The following GABRG3 variants were observed in gnomAD, a reference collection of about 807,000 sequenced individuals.
GABRG3 encodes gamma-aminobutyric acid type A receptor subunit gamma3.
In GABRG3, 25 loss-of-function variants were observed where a neutral mutation model predicts 48.8. The observed-to-expected ratio is 0.51, with a 90% CI of 0.37 to 0.72. The LOEUF (loss-of-function observed/expected upper bound fraction) is 0.72. GABRG3 is among the 30% of genes least tolerant of loss of function. The pLI is 0.00. For synonymous variants in GABRG3, 227 were observed against 217.6 expected, an observed-to-expected ratio of 1.04 and a Z score of -0.38; for missense variants, 394 against 577.9, an observed-to-expected ratio of 0.68 and a Z score of 3.26.
intron 6 of GABRG3, among the ~76,000 whole-genome samples, chr15:27,489,122 T>C (rs560680237): frequency 6.6e-6 from 1 of 151,270 alleles, no homozygotes; most frequent in Non-Finnish European, 1.5e-5. Context: ...AGTGAGAACA[T>C]GCAGTGTTTG....
At chr15:27,094,343 T>C (rs2140759042) in intron 3 of GABRG3, among the ~76,000 whole-genome samples, 1 of 152,356 alleles carries the variant, frequency 6.6e-6, no homozygotes, top group East Asian at 1.9e-4. Context: ...AGATGAGGAC[T>C]ATCAGGCTCT....
intron 6 of GABRG3, among the ~76,000 whole-genome samples, chr15:27,507,213 G>A (rs931147137): frequency 1.3e-5 from 2 of 152,114 alleles, no homozygotes; most frequent in African/African-American, 2.4e-5. Context: ...TTTTAAATAT[G>A]TTAAGTTTTG....
intron 3 of GABRG3, among the ~76,000 whole-genome samples, chr15:27,237,731 C>T (rs1055439495): frequency 6.6e-6 from 1 of 152,242 alleles, no homozygotes; most frequent in African/African-American, 2.4e-5. Context: ...GCACCCACAA[C>T]ATAAAGCTTT....
chr15:27,164,374 A>G (rs920790294), intron 3 of GABRG3, among the ~76,000 whole-genome samples: 1 of 152,248 alleles, frequency 6.6e-6, no homozygotes, highest in Non-Finnish European at 1.5e-5. Flanking sequence ...GTCATTTAGT[A>G]TCAAATCTAC....
intron 3 of GABRG3, among the ~76,000 whole-genome samples, chr15:27,310,306 G>T (rs1201256598): frequency 1.3e-5 from 2 of 151,980 alleles, no homozygotes; most frequent in African/African-American, 2.4e-5. Context: ...TTTATGGAAG[G>T]TCATGCATGA....
At chr15:27,528,046 A>G (rs1177624713) in intron 9 of GABRG3, 54 bp downstream of exon 9, 2 of 1,301,902 alleles carry the variant, frequency 1.5e-6, no homozygotes, top group African/African-American at 2.9e-5. Flanking sequence ...CTAAACTAAG[A>G]TTGCATTTGA....
intron 3 of GABRG3, among the ~76,000 whole-genome samples, chr15:27,201,968 A>G (rs1214851695): frequency 2.0e-5 from 3 of 152,198 alleles, no homozygotes; most frequent in African/African-American, 7.2e-5. Flanking sequence ...TGGTAAGTTT[A>G]ATTCATTAAA....
intron 2 of GABRG3, among the ~76,000 whole-genome samples, chr15:27,000,345 G>C (rs1204304848): frequency 6.6e-6 from 1 of 152,144 alleles, no homozygotes; most frequent in African/African-American, 2.4e-5. Flanking sequence ...AGGTTTGTTA[G>C]ACAGATCTGG....
At chr15:27,504,601 A>C (rs1371872019) in intron 6 of GABRG3, among the ~76,000 whole-genome samples, 1 of 152,196 alleles carries the variant, frequency 6.6e-6, no homozygotes, top group African/African-American at 2.4e-5. Context: ...AAAGAGATTT[A>C]AATAGGATGA....
At chr15:27,284,422 T>A (rs1447522480) in intron 3 of GABRG3, among the ~76,000 whole-genome samples, 4 of 152,166 alleles carry the variant, frequency 2.6e-5, no homozygotes, top group Non-Finnish European at 5.9e-5. Flanking sequence ...CAGGATTTGA[T>A]AGATAAGAAA....
chr15:27,489,927 T>G (rs1890308976), intron 6 of GABRG3, among the ~76,000 whole-genome samples: 3 of 152,240 alleles, frequency 2.0e-5, no homozygotes, highest in Admixed American at 2.0e-4. Flanking sequence ...TTTGGTGTTT[T>G]AGTCATGAAG....
chr15:27,308,843 A>T (rs975970844), intron 3 of GABRG3, among the ~76,000 whole-genome samples: 3 of 150,036 alleles, frequency 2.0e-5, no homozygotes, highest in African/African-American at 7.2e-5. Context: ...TTATATAAAA[A>T]CACAGAATGT....
chr15:27,275,938 T>C (rs545236358), intron 3 of GABRG3, among the ~76,000 whole-genome samples: 3 of 152,186 alleles, frequency 2.0e-5, no homozygotes, highest in African/African-American at 4.8e-5. Context: ...AGAGATCCTG[T>C]TGGGCAATAA....
chr15:27,097,458 T>C (rs900928936), intron 3 of GABRG3, among the ~76,000 whole-genome samples: 2 of 152,090 alleles, frequency 1.3e-5, no homozygotes, highest in Admixed American at 1.3e-4. Context: ...TTTTACCTTC[T>C]CTCCTTCCCT....
chr15:27,084,008 G>T (rs959061031), intron 3 of GABRG3, among the ~76,000 whole-genome samples: 9 of 152,176 alleles, frequency 5.9e-5, no homozygotes, highest in African/African-American at 1.9e-4. Flanking sequence ...AGCCTGGTTT[G>T]GTGTCTGGGC....
intron 6 of GABRG3, among the ~76,000 whole-genome samples, chr15:27,513,173 C>T (rs1019715492): frequency 2.0e-5 from 3 of 151,960 alleles, no homozygotes; most frequent in Non-Finnish European, 2.9e-5. Context: ...CACGGACAGG[C>T]GCAGTAGCTC....
At chr15:27,052,861 A>G (rs1036213193) in intron 3 of GABRG3, among the ~76,000 whole-genome samples, 1 of 152,208 alleles carries the variant, frequency 6.6e-6, no homozygotes, top group Non-Finnish European at 1.5e-5. Flanking sequence ...ATAAAGCAAC[A>G]CACATGCAAC....
Position 27,458,747 on chromosome 15 carries a change from C to G in GABRG3, c.575-21903C>G, listed in dbSNP as rs145131148. On this transcript the variant is annotated intron_variant, in intron 5 of 9. Transcript: ENST00000615808. ...CAGGCTTATTTTCCAGAGGCAATTT[C>G]TAATGTGAGCTAGCTAGATAAAAAT... 4.0e-4 allele frequency among the ~76,000 whole-genome samples: 61 copies of G among 152,268 alleles called. No individual in the cohort carries two copies. The East Asian group carries it at 0.01, about 25-fold the overall frequency.
intron 7 of GABRG3, among the ~76,000 whole-genome samples, chr15:27,526,244 T>G (rs9806150): frequency 4.7e-4 from 71 of 152,334 alleles, no homozygotes; most frequent in African/African-American, 1.7e-3. Flanking sequence ...TTGAGACCCA[T>G]TCTCCACCTG....
Sources: gnomAD v4.1 joint callset for allele counts (sites outside exome capture counted in the v4.1 genomes callset) on GRCh38, gnomAD v4.1.1 for gene constraint, MANE v1.5 for transcripts, NCBI Gene and HGNC (gene_info 2026-07-23, HGNC 2026-07-21) for gene names.